Variants in TFEB observed in about 807,000 individuals in gnomAD.
The protein encoded by TFEB is transcription factor EB.
In TFEB, 12 loss-of-function variants were observed where a neutral mutation model predicts 48.0. That is an observed-to-expected ratio of 0.25 (90% confidence interval 0.16 to 0.40). TFEB has a LOEUF of 0.40. Among genes scored for constraint, TFEB ranks in the 10% least tolerant of loss-of-function variants. TFEB has a pLI of 1.00. For synonymous variants in TFEB, 244 were observed against 261.4 expected (o/e 0.93, Z 0.64); for missense variants, 509 against 640.3 (o/e 0.79, Z 2.21).
At chr6:41,701,456 T>G (rs1324098549) in intron 1 of TFEB, among the ~76,000 whole-genome samples, 1 of 152,150 alleles carries the variant, frequency 6.6e-6, no homozygotes, top group African/African-American at 2.4e-5. Context: ...CATCAGACTT[T>G]CCAGAAAGAG....
chr6:41,697,225 C>T (rs1020574133), intron 1 of TFEB, among the ~76,000 whole-genome samples: 12 of 151,434 alleles, frequency 7.9e-5, no homozygotes, highest in East Asian at 5.8e-4. Context: ...CTGGGCAACA[C>T]GGTGAAACCC....
At chr6:41,728,496 G>A (rs1771306819) in intron 1 of TFEB, among the ~76,000 whole-genome samples, 1 of 152,202 alleles carries the variant, frequency 6.6e-6, no homozygotes, top group Non-Finnish European at 1.5e-5. Flanking sequence ...GAGGCGGCAG[G>A]GGGTGGACAG....
At chr6:41,729,607 T>C (rs757425807) in intron 1 of TFEB, among the ~76,000 whole-genome samples, 52 of 152,346 alleles carry the variant, frequency 3.4e-4, no homozygotes, top group Non-Finnish European at 5.0e-4. Context: ...CCTCAGCTAG[T>C]GCCATCCTTG....
intron 1 of TFEB, among the ~76,000 whole-genome samples, chr6:41,716,800 C>CT (rs1770754695): frequency 6.6e-6 from 1 of 152,204 alleles, no homozygotes; most frequent in Non-Finnish European, 1.5e-5. Context: ...AGGACACTCT[C>CT]TGACAGGGAG....
Position 41,710,480 on chromosome 6 carries a change from G to A in TFEB, c.-22-19245C>T, listed in dbSNP as rs540205245. ...AGGGATTTGGGACAGGGGTAACTACGGATCAGAAAGAAGAGGCTGAAGAGC... is the reference window on the plus strand; with the variant it reads ...AGGGATTTGGGACAGGGGTAACTACAGATCAGAAAGAAGAGGCTGAAGAGC... On this transcript the variant is annotated intron_variant, in intron 1 of 8. Transcript: ENST00000373033. Among the ~76,000 whole-genome samples, 38 of 152,286 alleles carry A rather than the reference G, an allele frequency of 2.5e-4. 1 individual carries two copies. The East Asian group carries it at 7.1e-3, about 29-fold the overall frequency.
chr6:41,721,370 CAT>C (rs1274183863), intron 1 of TFEB, among the ~76,000 whole-genome samples: 1 of 129,254 alleles, frequency 7.7e-6, no homozygotes. Context: ...ACTAGGCACA[CAT>C]ACACACACAC....
At chr6:41,694,084 G>C (rs1396660732) in intron 1 of TFEB, among the ~76,000 whole-genome samples, 1 of 152,196 alleles carries the variant, frequency 6.6e-6, no homozygotes, top group East Asian at 1.9e-4. Context: ...AGCCGGCACA[G>C]GGAGGGCTAG....
Position 41,723,420 on chromosome 6 carries a change from C to T in TFEB, c.-23+11930G>A. On this transcript the variant is annotated intron_variant, in intron 1 of 8. Transcript: ENST00000373033. This position sits in a 1 kb window ranked among gnomAD's most constrained non-coding sequence, Gnocchi z 6.0. ...ACACATTCACACACATGCTCACACA[C>T]ATGCACACACTCACACACATGCACG... 1 of 1,163,108 alleles carries T rather than the reference C, an allele frequency of 8.6e-7. No homozygotes were observed. 72.0% of individuals were successfully genotyped at this position (1,163,108 alleles called of 1,614,324 possible).
Position 41,690,745 on chromosome 6 carries a change from T to C in TFEB, c.386A>G (p.His129Arg), listed in dbSNP as rs764292602. The change falls in exon 3 of 9, where the codon CAC (histidine) becomes CGC (arginine). Residue 129 changes from histidine to arginine, a missense_variant. Physicochemically the swap from His to Arg is conservative, Grantham distance 29. Around this residue, in one of 4 missense-constraint regions of TFEB, gnomAD observed 251 missense variants for 317.2 expected, o/e 0.79. Coordinates refer to ENST00000373033, the MANE Select transcript of TFEB (RefSeq NM_001271944.2). ...PAASPGVRAG[H>R]VLSSSAGNSA... is the part of the protein sequence containing the mutation. ...GTTGCCAGCGGAGGAGGACAGCACG[T>C]GTCCAGCTCGCACCCCTGGGGAGGC... 10 of 1,603,532 alleles carry C rather than the reference T, an allele frequency of 6.2e-6. No individual in the cohort carries two copies. The highest frequency in any genetic ancestry group is 1.7e-4 in the Middle Eastern group (1 of 6,014).
chr6:41,723,240 G>A lies in TFEB; in HGVS notation c.-23+12110C>T, dbSNP rs1302963876. Among the ~76,000 whole-genome samples, 1 of 151,788 alleles carries A rather than the reference G, an allele frequency of 6.6e-6. No homozygotes were observed. Among genetic ancestry groups the A allele is most frequent in the African/African-American group, 2.4e-5 (1 of 41,270 alleles). ...CTTCCCCATTCTTTCCCTCACCCCA[G>A]CCTTGGCCATGCTCAGAGACCCCCA... On this transcript the variant is annotated intron_variant, in intron 1 of 8. Transcript: ENST00000373033. The surrounding 1 kb of genome is among the most constrained non-coding windows in gnomAD (Gnocchi z 6.0).
Position 41,684,734 on chromosome 6 carries a change from A to G in TFEB, c.1296T>C (p.Asp432=). Residue 432 remains aspartate, a synonymous_variant, in exon 9 of 9, where the codon GAT becomes GAC. Transcript: ENST00000373033. ...AGTCGTCCAGGAGCATGAGGTCCAG[A>G]TCCTTCTTGGACAGGCTGGGGAATG... The part of the protein sequence containing the change: ...GSPFPSLSKK[D]LDLMLLDDSL... 1.2e-6 allele frequency: 2 copies of G among 1,613,602 alleles called. No homozygotes were observed. Among genetic ancestry groups the G allele is most frequent in the Non-Finnish European group, 8.5e-7 (1 of 1,179,874 alleles).
At chr6:41,696,838 CA>C (rs1769612254) in intron 1 of TFEB, among the ~76,000 whole-genome samples, 1 of 152,086 alleles carries the variant, frequency 6.6e-6, no homozygotes, top group African/African-American at 2.4e-5. Flanking sequence ...AACCAAGGCA[CA>C]AAAGTGTATA....
intron 1 of TFEB, among the ~76,000 whole-genome samples, chr6:41,711,491 G>C (rs1396402367): frequency 6.6e-6 from 1 of 152,330 alleles, no homozygotes; most frequent in East Asian, 1.9e-4. Context: ...CACAGTCTCG[G>C]TGTCCCCTTC....
intron 1 of TFEB, among the ~76,000 whole-genome samples, chr6:41,708,417 C>T (rs1047723549): frequency 2.0e-5 from 3 of 152,192 alleles, no homozygotes; most frequent in African/African-American, 7.2e-5. Context: ...TTCCAGGTGC[C>T]AGCACCTGAA....
chr6:41,733,013 G>T, intron 1 of TFEB: 2 of 985,542 alleles, frequency 2.0e-6, no homozygotes, highest in African/African-American at 1.7e-5. Context: ...CCAGGGGGTG[G>T]CTGGGCTACT....
Position 41,724,740 on chromosome 6 carries a change from C to G in TFEB, c.-23+10610G>C, listed in dbSNP as rs1030823087. 6.6e-6 allele frequency among the ~76,000 whole-genome samples: 1 copy of G among 152,182 alleles called. No homozygotes were observed. ...AGGACAAAGTTGGAAATGTTTTTGT[C>G]CTGGGCCCCAAGGCTCCCAGAGAAC... On this transcript the variant is annotated intron_variant, in intron 1 of 8. Transcript: ENST00000373033. The surrounding 1 kb of genome is among the most constrained non-coding windows in gnomAD (Gnocchi z 4.4).
chr6:41,684,823 C>A lies in TFEB; in HGVS notation c.1207G>T (p.Gly403Trp). 6.3e-7 allele frequency: 1 copy of A among 1,593,422 alleles called. No homozygotes were observed. Among genetic ancestry groups the A allele is most frequent in the South Asian group, 1.1e-5 (1 of 88,296 alleles). The change falls in exon 9 of 9, where the codon GGG (glycine) becomes TGG (tryptophan). Residue 403 changes from glycine to tryptophan, a missense_variant. This residue lies in a region of TFEB where 168 missense variants were observed against 161.0 expected (regional missense o/e 1.04). Coordinates refer to ENST00000373033, the MANE Select transcript of TFEB (RefSeq NM_001271944.2). ...GGGGGACCCTCGTCCTCCCTGCCCC[C>A]AAAGCTCAGGCTGTGGCTGAAGTCC... ...HLDFSHSLSF[G>W]GREDEGPPGY... is the part of the protein sequence containing the mutation.
At chr6:41,686,348 AC>A in intron 7 of TFEB, 111 bp from the exon 8 acceptor site, 2 of 1,416,902 alleles carry the variant, frequency 1.4e-6, no homozygotes, top group Non-Finnish European at 1.9e-6. Flanking sequence ...TTACCCAGCA[AC>A]CCCAGACCTG....
Position 41,701,940 on chromosome 6 carries a change from G to A in TFEB, c.-22-10705C>T, listed in dbSNP as rs546462092. ...AGCCTGGGCGACAGAGCAAGGCTCC[G>A]TCTCAAAAAAAAAAAAAAAAGAAAG... On this transcript the variant is annotated intron_variant, in intron 1 of 8. Transcript: ENST00000373033. Among the ~76,000 whole-genome samples, 717 of 104,556 alleles carry A rather than the reference G, an allele frequency of 6.9e-3. 8 individuals are homozygous for A. The highest frequency in any genetic ancestry group is 0.025 in the African/African-American group (632 of 24,952). The allele number at this position is 104,556 out of a possible 152,430, so 68.6% of individuals were successfully genotyped here. A position where few individuals can be genotyped will look rare whatever the true frequency, so the allele number is the denominator to read the frequency against.
Sources: allele counts gnomAD v4.1 joint callset (sites outside exome capture counted in the v4.1 genomes callset), GRCh38; gene constraint gnomAD v4.1.1; regional missense constraint gnomAD v4.1.1; non-coding constraint Gnocchi (gnomAD v3.1); transcripts MANE v1.5; gene names NCBI Gene and HGNC (gene_info 2026-07-23, HGNC 2026-07-21).